Variants in ZNF83 observed in about 807,000 individuals in gnomAD.
ZNF83 encodes zinc finger protein 816B.
For missense variants in ZNF83, 552 were observed against 629.9 expected (o/e 0.88, Z 1.32); for synonymous variants, 209 against 213.0 (o/e 0.98, Z 0.17).
At chr19:52,663,043 G>A (rs1568571126) in intron 1 of ZNF83, among the ~76,000 whole-genome samples, 1 of 152,042 alleles carries the variant, frequency 6.6e-6, no homozygotes, top group East Asian at 1.9e-4. Flanking sequence ...TGCATCTGTG[G>A]TCCCAGCTAT....
intron 2 of ZNF83, among the ~76,000 whole-genome samples, chr19:52,621,757 ACT>A (rs2060556749): frequency 6.6e-6 from 1 of 152,064 alleles, no homozygotes; most frequent in Non-Finnish European, 1.5e-5. Flanking sequence ...CTCCTGCAAC[ACT>A]GTTTGGCCCC....
intron 3 of ZNF83, among the ~76,000 whole-genome samples, chr19:52,645,853 A>C (rs995857364): frequency 7.9e-5 from 12 of 151,814 alleles, no homozygotes; most frequent in Admixed American, 7.2e-4. Context: ...ATGAAGAGGA[A>C]ACAGAAAAAA....
chr19:52,671,538 T>G (rs1454547114), intron 1 of ZNF83, among the ~76,000 whole-genome samples: 1 of 151,908 alleles, frequency 6.6e-6, no homozygotes, highest in Non-Finnish European at 1.5e-5. Context: ...CAACCTCTGG[T>G]GCTCAAGCAA....
intron 2 of ZNF83, chr19:52,618,555 C>T: frequency 4.7e-6 from 1 of 214,600 alleles, no homozygotes; most frequent in Non-Finnish European, 9.2e-6. Context: ...AGCCACCGCG[C>T]CTGGCCAATT....
In ZNF83 at chr19:52,620,292, GTA is replaced by G. The variant is rs144417101; in HGVS notation, c.-233-5497_-233-5496del. 7.6e-4 allele frequency among the ~76,000 whole-genome samples: 113 copies of G among 149,310 alleles called. 1 individual carries two copies. Among genetic ancestry groups the G allele is most frequent in the African/African-American group, 2.3e-3 (95 of 40,438 alleles). ...TCTCTGTGTGTGTGTGTGTGTGTGT[GTA>G]TATATAGTTTCCTTTAACTGAAGAG... On this transcript the variant is annotated intron_variant, in intron 2 of 2. Transcript: ENST00000301096.
intron 3 of ZNF83, chr19:52,650,611 G>T (rs1221113669): frequency 6.6e-6 from 1 of 152,094 alleles, no homozygotes; most frequent in Non-Finnish European, 1.5e-5. Flanking sequence ...TGTTTGTTTT[G>T]TGCCCTCTAA....
rs1465824966 is a variant in ZNF83 at position 52,650,279 on chromosome 19, A to AC, written c.-74+5281_-74+5282insG. ...TTTCTTTCTTTTTTTTTTTTGAGAC[A>AC]GAGTTTTGTTCTTGTTGCCCAGGAT... On this transcript the variant is annotated intron_variant, in intron 3 of 5. Coordinates refer to the ZNF83 transcript ENST00000594682. 4.1e-5 allele frequency among the ~76,000 whole-genome samples: 6 copies of AC among 147,478 alleles called. No homozygotes were observed. In the Admixed American group the frequency reaches 4.1e-4, roughly 10 times the overall value.
rs780943952 is a variant in ZNF83 at position 52,613,080 on chromosome 19, G to A, written c.1485C>T (p.Arg495=). The change falls in exon 3 of 3, where the codon CGC becomes CGT. Residue 495 remains arginine (R), a synonymous_variant. Coordinates refer to ENST00000301096, the Ensembl canonical transcript of ZNF83. ...GATGACGTACAAGATATGAATTGTC[G>A]CGGAAGAGTTTGCCACATTCATTAC... 21 of 1,612,972 alleles carry A rather than the reference G, an allele frequency of 1.3e-5. No homozygotes were observed. The Admixed American group carries it at 1.3e-4, about 10-fold the overall frequency.
At chr19:52,686,575 T>G (rs2062020657) in intron 1 of ZNF83, among the ~76,000 whole-genome samples, 1 of 151,818 alleles carries the variant, frequency 6.6e-6, no homozygotes, top group Non-Finnish European at 1.5e-5. Context: ...TTTTATTTTT[T>G]GTTTGTTTGT....
intron 2 of ZNF83, among the ~76,000 whole-genome samples, chr19:52,632,100 C>T (rs1379884478): frequency 1.3e-5 from 2 of 152,148 alleles, no homozygotes; most frequent in African/African-American, 2.4e-5. Context: ...TCTGAGAAGG[C>T]CACTGCAGTC....
upstream of ZNF83, among the ~76,000 whole-genome samples, chr19:52,639,415 A>ATTTTTTTTTTTTTTTT (rs1160711365): frequency 7.0e-5 from 6 of 86,300 alleles, no homozygotes; most frequent in Non-Finnish European, 8.3e-5. Flanking sequence ...AGTTTTTTCT[A>ATTTTTTTTTTTTTTTT]TTTTTTTTTT....
intron 1 of ZNF83, among the ~76,000 whole-genome samples, chr19:52,690,058 G>A (rs1168852448): frequency 1.3e-5 from 2 of 152,170 alleles, no homozygotes; most frequent in Non-Finnish European, 2.9e-5. Context: ...CCGGGACAGG[G>A]GCCGCGGCGC....
upstream of ZNF83, among the ~76,000 whole-genome samples, chr19:52,639,766 GA>G (rs1454416667): frequency 6.6e-6 from 1 of 151,326 alleles, no homozygotes; most frequent in African/African-American, 2.4e-5. Flanking sequence ...AAATATAATG[GA>G]AAACAAAAAA....
At chr19:52,679,894 A>G (rs1216773386) in intron 1 of ZNF83, among the ~76,000 whole-genome samples, 1 of 152,092 alleles carries the variant, frequency 6.6e-6, no homozygotes, top group African/African-American at 2.4e-5. Context: ...AAAAGCATGT[A>G]TGGGGGCTGG....
At chr19:52,621,825 C>T (rs889635680) in intron 2 of ZNF83, among the ~76,000 whole-genome samples, 2 of 152,176 alleles carry the variant, frequency 1.3e-5, no homozygotes, top group Non-Finnish European at 2.9e-5. Context: ...TTGATTTCTC[C>T]ATCCTACAAG....
intron 1 of ZNF83, among the ~76,000 whole-genome samples, chr19:52,686,126 T>C (rs2062011110): frequency 6.6e-6 from 1 of 152,154 alleles, no homozygotes; most frequent in South Asian, 2.1e-4. Flanking sequence ...AAAAGGTCAC[T>C]GACATCTTTA....
At chr19:52,623,637 C>T (rs899013438) in intron 2 of ZNF83, among the ~76,000 whole-genome samples, 1 of 152,016 alleles carries the variant, frequency 6.6e-6, no homozygotes, top group African/African-American at 2.4e-5. Context: ...CCACCTTAAC[C>T]CACAGGTATG....
At chr19:52,661,321 C>T (rs936037793) in intron 1 of ZNF83, among the ~76,000 whole-genome samples, 10 of 152,170 alleles carry the variant, frequency 6.6e-5, no homozygotes, top group Admixed American at 2.0e-4. Flanking sequence ...GTAATTTTGA[C>T]CCATTTTCAG....
At chr19:52,657,081 A>C (rs1342112105) in intron 2 of ZNF83, among the ~76,000 whole-genome samples, 1 of 151,870 alleles carries the variant, frequency 6.6e-6, no homozygotes, top group Non-Finnish European at 1.5e-5. Flanking sequence ...GCACCACTGC[A>C]CTCCAGCCTG....
Sources: gnomAD v4.1 joint callset for allele counts (sites outside exome capture counted in the v4.1 genomes callset) on GRCh38, gnomAD v4.1.1 for gene constraint, MANE v1.5 for transcripts, NCBI Gene and HGNC (gene_info 2026-07-23, HGNC 2026-07-21) for gene names.